The following RYR2 variants were observed in gnomAD, a reference collection of about 807,000 sequenced individuals.
The protein encoded by RYR2 is ryanodine receptor 2.
A neutral mutation model predicts 601.1 loss-of-function variants in RYR2; 227 were observed. The ratio of observed to expected loss-of-function variants is 0.38; its 90% confidence interval spans 0.34 to 0.42. The LOEUF is 0.42. Among genes scored for constraint, RYR2 ranks in the 10% least tolerant of loss-of-function variants. The pLI is 1.00. For missense variants in RYR2, 4,646 were observed against 6,156.5 expected, an observed-to-expected ratio of 0.75 and a Z score of 8.21; for synonymous variants, 2,223 against 2,175.1, an observed-to-expected ratio of 1.02 and a Z score of -0.61.
rs1685568817 is a variant in RYR2 at position 237,678,209 on chromosome 1, A to G, written c.8895+97A>G. 7 of 689,532 alleles carry G rather than the reference A, an allele frequency of 1.0e-5. No homozygotes were observed. In the South Asian group the frequency reaches 1.1e-4, roughly 11 times the overall value. 42.7% of individuals were successfully genotyped at this position (689,532 alleles called of 1,614,324 possible). On this transcript the variant is annotated intron_variant, in intron 61 of 104. Coordinates refer to ENST00000366574, the MANE Select transcript of RYR2 (RefSeq NM_001035.3). ...CCTTTTCAGAACATACTTGTCTACA[A>G]ATGTGTATTTTACTGCACGTAAATA...
chr1:237,323,701 G>C (rs2787105), intron 2 of RYR2, among the ~76,000 whole-genome samples: 75,611 of 152,000 alleles, frequency 0.5, 20,339 homozygotes, highest in African/African-American at 0.72. Context: ...ACAGCTGTGG[G>C]TCTTTGTAGC....
intron 2 of RYR2, among the ~76,000 whole-genome samples, chr1:237,307,255 G>C (rs1451527219): frequency 6.6e-6 from 1 of 152,208 alleles, no homozygotes; most frequent in Non-Finnish European, 1.5e-5. Flanking sequence ...AAACTTTAGA[G>C]AGTGTAGGTG....
intron 84 of RYR2, among the ~76,000 whole-genome samples, chr1:237,762,523 C>G (rs978549293): frequency 2.0e-5 from 3 of 152,228 alleles, no homozygotes; most frequent in African/African-American, 7.2e-5. Flanking sequence ...TACCGCAAAT[C>G]CATAGTCATT....
intron 1 of RYR2, among the ~76,000 whole-genome samples, chr1:237,113,382 G>A: frequency 6.7e-6 from 1 of 149,438 alleles, no homozygotes; most frequent in East Asian, 1.9e-4. Context: ...TGTATTTTTA[G>A]TAGAGATGAG....
intron 35 of RYR2, among the ~76,000 whole-genome samples, chr1:237,608,227 G>A (rs1253732451): frequency 1.3e-5 from 2 of 152,186 alleles, no homozygotes; most frequent in African/African-American, 4.8e-5. Context: ...GAACTCTCAA[G>A]AATGTTGGAG....
intron 1 of RYR2, among the ~76,000 whole-genome samples, chr1:237,044,436 T>C (rs894420958): frequency 6.6e-6 from 1 of 152,176 alleles, no homozygotes; most frequent in African/African-American, 2.4e-5. Context: ...GGGAACGTGC[T>C]GGCTGATGAG....
intron 96 of RYR2, among the ~76,000 whole-genome samples, chr1:237,796,821 G>C (rs1418718004): frequency 6.6e-6 from 1 of 151,790 alleles, no homozygotes; most frequent in Non-Finnish European, 1.5e-5. Context: ...GTCTCACTCT[G>C]TTGCCCAGGC....
chr1:237,577,372 G>A (rs1314844967), intron 29 of RYR2, among the ~76,000 whole-genome samples: 1 of 152,144 alleles, frequency 6.6e-6, no homozygotes, highest in Non-Finnish European at 1.5e-5. Context: ...ACTTTACATA[G>A]CAAAAGAGAT....
At chr1:237,104,489 G>A (rs532334543) in intron 1 of RYR2, among the ~76,000 whole-genome samples, 61 of 152,236 alleles carry the variant, frequency 4.0e-4, no homozygotes, top group African/African-American at 1.4e-3. Context: ...GTGATGCTCC[G>A]GCATGGTGAG....
chr1:237,143,845 A>G (rs1158110314), intron 1 of RYR2, among the ~76,000 whole-genome samples: 2 of 152,220 alleles, frequency 1.3e-5, no homozygotes, highest in Non-Finnish European at 2.9e-5. Flanking sequence ...AAGGTAGTAG[A>G]AAAAGAAAAC....
At chr1:237,367,059 G>GA (rs2149741095) in intron 5 of RYR2, among the ~76,000 whole-genome samples, 1 of 151,906 alleles carries the variant, frequency 6.6e-6, no homozygotes, top group African/African-American at 2.4e-5. Flanking sequence ...TCAGTTATGT[G>GA]AAAAAAGTGA....
chr1:237,200,660 C>T (rs940311373), intron 1 of RYR2, among the ~76,000 whole-genome samples: 5 of 152,128 alleles, frequency 3.3e-5, no homozygotes, highest in African/African-American at 7.2e-5. Context: ...TTGCCATTCT[C>T]GGGCATATTT....
intron 2 of RYR2, among the ~76,000 whole-genome samples, chr1:237,325,664 G>A (rs1696095632): frequency 6.6e-6 from 1 of 151,728 alleles, no homozygotes; most frequent in Non-Finnish European, 1.5e-5. Context: ...TTCCAGCCTG[G>A]GTAACAGGGC....
At chr1:237,158,456 C>T (rs934376379) in intron 1 of RYR2, among the ~76,000 whole-genome samples, 15 of 152,186 alleles carry the variant, frequency 9.9e-5, no homozygotes, top group Admixed American at 3.3e-4. Context: ...TATATGCCTT[C>T]TCCCGGGCTT....
chr1:237,796,413 G>A (rs527946971), intron 96 of RYR2, among the ~76,000 whole-genome samples: 118 of 152,202 alleles, frequency 7.8e-4, no homozygotes, highest in Non-Finnish European at 1.3e-3. Flanking sequence ...ACACAGTCCC[G>A]AGAGAATCCC....
chr1:237,064,134 C>G lies in RYR2; in HGVS notation c.48+21565C>G, dbSNP rs185067628. On this transcript the variant is annotated intron_variant, in intron 1 of 104. Transcript: ENST00000366574. ...GGATTCCGATGATAGATATTTTGCTCCTTTTTCTCATGTCTCTTTTACATT... is the reference window on the plus strand; with the variant it reads ...GGATTCCGATGATAGATATTTTGCTGCTTTTTCTCATGTCTCTTTTACATT... Among the ~76,000 whole-genome samples the G allele has an allele frequency of 8.5e-5, 13 of 152,162 alleles. No homozygotes were observed. In the East Asian group the frequency reaches 2.5e-3, roughly 29 times the overall value.
intron 14 of RYR2, among the ~76,000 whole-genome samples, chr1:237,447,410 A>C (rs12239653): frequency 0.074 from 11,312 of 152,254 alleles, 1,068 homozygotes; most frequent in African/African-American, 0.22. Flanking sequence ...TAGAGTACCA[A>C]GTATGAGAAA....
chr1:237,070,615 G>A (rs1246778251), intron 1 of RYR2, among the ~76,000 whole-genome samples: 1 of 152,108 alleles, frequency 6.6e-6, no homozygotes, highest in African/African-American at 2.4e-5. Flanking sequence ...GCTGTGCTTG[G>A]TTTGCACTAC....
At chr1:237,533,379 C>T (rs949911731) in intron 25 of RYR2, among the ~76,000 whole-genome samples, 2 of 152,062 alleles carry the variant, frequency 1.3e-5, no homozygotes, top group East Asian at 1.9e-4. Flanking sequence ...AACATTTGCA[C>T]GTCTTGGTAC....
Sources: gnomAD v4.1 joint callset for allele counts (sites outside exome capture counted in the v4.1 genomes callset) on GRCh38, gnomAD v4.1.1 for gene constraint, MANE v1.5 for transcripts, NCBI Gene and HGNC (gene_info 2026-07-23, HGNC 2026-07-21) for gene names.